The following CSMD3 variants were observed in gnomAD, a reference collection of about 807,000 sequenced individuals.
CSMD3 encodes the protein CUB and sushi domain-containing protein 3.
Under a neutral mutation model 435.2 loss-of-function variants are expected in CSMD3, and 177 were observed. The observed-to-expected ratio is 0.41, with a 90% CI of 0.36 to 0.46. CSMD3 has a LOEUF of 0.46. CSMD3 is among the 20% of genes least tolerant of loss of function. The pLI, the probability that CSMD3 is intolerant of heterozygous loss-of-function variation, is 0.34. For missense variants in CSMD3, 4,265 were observed against 4,504.6 expected (o/e 0.95, Z 1.52); for synonymous variants, 1,656 against 1,520.5 (o/e 1.09, Z -2.07).
At chr8:112,263,125 C>G (rs1412456481) in intron 61 of CSMD3, among the ~76,000 whole-genome samples, 3 of 129,386 alleles carry the variant, frequency 2.3e-5, no homozygotes, top group African/African-American at 9.1e-5. Context: ...ATATAGTATA[C>G]AGCAACCTCT....
chr8:112,891,848 G>A (rs1476751551), intron 10 of CSMD3, among the ~76,000 whole-genome samples: 1 of 151,476 alleles, frequency 6.6e-6, no homozygotes, highest in African/African-American at 2.4e-5. Context: ...ACCCCAGTCT[G>A]TTCTCTTAAC....
At chr8:112,873,515 T>A (rs1383316090) in intron 10 of CSMD3, among the ~76,000 whole-genome samples, 2 of 152,062 alleles carry the variant, frequency 1.3e-5, no homozygotes, top group Non-Finnish European at 2.9e-5. Flanking sequence ...TATATTATAT[T>A]TTAATTATCT....
intron 2 of CSMD3, among the ~76,000 whole-genome samples, chr8:113,285,754 C>G (rs571639958): frequency 6.6e-6 from 1 of 152,272 alleles, no homozygotes; most frequent in African/African-American, 2.4e-5. Flanking sequence ...TGTATTCATT[C>G]TGATTATTAG....
chr8:113,333,189 C>G (rs1432361813), intron 1 of CSMD3, among the ~76,000 whole-genome samples: 1 of 151,586 alleles, frequency 6.6e-6, no homozygotes, highest in Admixed American at 6.6e-5. Context: ...GTACTCTTCT[C>G]CAGTTTGTGA....
intron 10 of CSMD3, among the ~76,000 whole-genome samples, chr8:112,886,494 T>C (rs1438320264): frequency 2.0e-5 from 3 of 151,492 alleles, no homozygotes; most frequent in African/African-American, 7.3e-5. Flanking sequence ...CTGAGAAATG[T>C]GCTGAAGTGT....
At position 112,506,709 on chromosome 8, in the gene CSMD3, A is replaced by G. The variant is rs1210736720; in HGVS notation, c.4877T>C (p.Ile1626Thr). ...AACTCACCTGATGAACGCCAAGGAGATAACATAGTCTGCATTGACGGTGAT... is the reference window on the plus strand; with the variant it reads ...AACTCACCTGATGAACGCCAAGGAGGTAACATAGTCTGCATTGACGGTGAT... ...WTITVNADYV[I>T]SLAFISFSIE... Residue 1626 changes from isoleucine to threonine, a missense_variant, in exon 29 of 71, where the codon ATC becomes ACC. Physicochemically the swap from Ile to Thr is moderately conservative, Grantham distance 89. Coordinates refer to ENST00000297405, the MANE Select transcript of CSMD3 (RefSeq NM_198123.2). The G allele has an allele frequency of 1.9e-6, 3 of 1,613,762 alleles. No individual in the cohort carries two copies. In the South Asian group the frequency reaches 3.3e-5, roughly 18 times the overall value.
chr8:113,247,139 T>A (rs565152561), intron 3 of CSMD3, among the ~76,000 whole-genome samples: 9 of 152,344 alleles, frequency 5.9e-5, no homozygotes, highest in African/African-American at 2.2e-4. Flanking sequence ...AGCTGTCTTT[T>A]GACTAGTCTC....
At chr8:113,090,798 A>G (rs1318681678) in intron 5 of CSMD3, among the ~76,000 whole-genome samples, 7 of 152,012 alleles carry the variant, frequency 4.6e-5, no homozygotes, top group Admixed American at 1.3e-4. Flanking sequence ...TGAAATCTCA[A>G]CCCTATTCAA....
At chr8:112,486,706 A>T (rs1001817220) in intron 31 of CSMD3, among the ~76,000 whole-genome samples, 1 of 152,118 alleles carries the variant, frequency 6.6e-6, no homozygotes, top group Non-Finnish European at 1.5e-5. Flanking sequence ...TTCTGTTTAC[A>T]TATCACTTTC....
At chr8:113,009,431 A>G (rs1216944569) in intron 6 of CSMD3, among the ~76,000 whole-genome samples, 1 of 151,872 alleles carries the variant, frequency 6.6e-6, no homozygotes, top group African/African-American at 2.4e-5. Flanking sequence ...TACTTGTATG[A>G]AGAAAAATTA....
At chr8:112,552,361 C>A (rs1284031053) in intron 26 of CSMD3, among the ~76,000 whole-genome samples, 1 of 151,956 alleles carries the variant, frequency 6.6e-6, no homozygotes, top group African/African-American at 2.4e-5. Context: ...TAGCACATGC[C>A]TGTATTCCCA....
rs542639819 is a variant in CSMD3, at chr8:112,441,955, G to A, written c.5395+30636C>T. Among the ~76,000 whole-genome samples, 349 of 152,250 alleles carry A rather than the reference G, an allele frequency of 2.3e-3. 1 individual carries two copies. Among genetic ancestry groups the A allele is most frequent in the Non-Finnish European group, 3.9e-3 (262 of 68,020 alleles). On this transcript the variant is annotated intron_variant, in intron 32 of 70. Coordinates refer to ENST00000297405, the MANE Select transcript of CSMD3 (RefSeq NM_198123.2). ...TTTTTTTGGTAAACATTTGAGTACC[G>A]TTTATGAAGAAATGTGTATTATTCC... is the stretch of plus-strand genomic sequence containing the variant.
At chr8:113,392,226 A>C (rs899683701) in intron 1 of CSMD3, among the ~76,000 whole-genome samples, 1 of 152,230 alleles carries the variant, frequency 6.6e-6, no homozygotes, top group East Asian at 1.9e-4. Context: ...TAATTGTATA[A>C]ATTATAATTA....
At chr8:113,080,512 G>A (rs2089519014) in intron 5 of CSMD3, among the ~76,000 whole-genome samples, 1 of 152,112 alleles carries the variant, frequency 6.6e-6, no homozygotes, top group Admixed American at 6.5e-5. Flanking sequence ...TAACAGAGGA[G>A]ATAGACAAAA....
intron 28 of CSMD3, among the ~76,000 whole-genome samples, chr8:112,507,739 T>C (rs763987781): frequency 6.6e-6 from 1 of 152,210 alleles, no homozygotes; most frequent in Non-Finnish European, 1.5e-5. Flanking sequence ...TCAGCATTTC[T>C]GTTCCTTGCA....
intron 23 of CSMD3, among the ~76,000 whole-genome samples, chr8:112,585,815 C>A (rs1324126957): frequency 6.6e-6 from 1 of 151,546 alleles, no homozygotes; most frequent in African/African-American, 2.4e-5. Flanking sequence ...ATTTTCCCCC[C>A]ATAATTTGCT....
rs143175117 is a variant in CSMD3, at chr8:112,324,329, C to T, written c.7166-4348G>A. Among the ~76,000 whole-genome samples the T allele has an allele frequency of 5.1e-3, 772 of 152,130 alleles. 2 individuals carry two copies. Among genetic ancestry groups the T allele is most frequent in the Middle Eastern group, 0.034 (10 of 294 alleles). Reference sequence around the variant, plus strand: ...TTGAATTGTTTTATGTATTGGTTCACGTTCCGCGTATAGCTTATGTATTTT... The same window carrying T: ...TTGAATTGTTTTATGTATTGGTTCATGTTCCGCGTATAGCTTATGTATTTT... On this transcript the variant is annotated intron_variant, in intron 45 of 70. Transcript: ENST00000297405.
chr8:112,745,077 G>A (rs1413561948), intron 13 of CSMD3, among the ~76,000 whole-genome samples: 1 of 152,106 alleles, frequency 6.6e-6, no homozygotes. Flanking sequence ...AGCGTGGTCA[G>A]CTGCTGCAAA....
intron 6 of CSMD3, 169 bp downstream of exon 6, chr8:113,018,898 C>T: frequency 1.6e-6 from 1 of 628,036 alleles, no homozygotes; most frequent in Non-Finnish European, 2.8e-6. Context: ...AACTTTAATA[C>T]TGTAATTTAG....
Sources: allele counts gnomAD v4.1 joint callset (sites outside exome capture counted in the v4.1 genomes callset), GRCh38; gene constraint gnomAD v4.1.1; transcripts MANE v1.5; gene names NCBI Gene and HGNC (gene_info 2026-07-23, HGNC 2026-07-21).